The following KIAA1210 variants were observed in gnomAD, a reference collection of about 807,000 sequenced individuals.
KIAA1210 encodes the protein acrosomal protein KIAA1210.
Under a neutral mutation model 78.9 loss-of-function variants are expected in KIAA1210, and 48 were observed. The ratio of observed to expected loss-of-function variants is 0.61; its 90% confidence interval spans 0.48 to 0.77. The LOEUF is 0.77. KIAA1210 is among the 30% of genes least tolerant of loss of function. The pLI, the probability that KIAA1210 is intolerant of heterozygous loss-of-function variation, is 0.00. For synonymous variants in KIAA1210, 406 were observed against 404.5 expected (o/e 1.00, Z -0.04); for missense variants, 1,108 against 1,100.0 (o/e 1.01, Z -0.10).
chrX:119,108,848 A>AC (rs1238639912), intron 4 of KIAA1210, among the ~76,000 whole-genome samples: 1 of 110,565 alleles, frequency 9.0e-6, no homozygotes, highest in African/African-American at 3.3e-5. Flanking sequence ...GTCTCAAAAA[A>AC]AAAAAAAAAG....
chrX:119,098,001 TA>T (rs1927609934), intron 6 of KIAA1210, among the ~76,000 whole-genome samples: 1 of 112,307 alleles, frequency 8.9e-6, no homozygotes, highest in African/African-American at 3.2e-5. Context: ...GTGTATAGAC[TA>T]AAAGCTCTTC....
Position 119,088,573 on chromosome X carries a change from T to C in KIAA1210, c.2129A>G (p.Lys710Arg). Residue 710 changes from lysine (K) to arginine (R), a missense_variant, in exon 9 of 12, where the codon AAA (lysine) becomes AGA (arginine). Physicochemically the swap from Lys to Arg is conservative, Grantham distance 26. Around this residue, in one of 5 missense-constraint regions of KIAA1210, gnomAD observed 672 missense variants for 607.1 expected, o/e 1.11. Coordinates refer to ENST00000691062, the MANE Select transcript of KIAA1210 (RefSeq NM_001394962.1). ...AGCAGAGGAGACTTCTTGTTGGTTT[T>C]TGGGCTTTCCCAAGGCCTGAGCAGG... ...RHPAQALGKP[K>R]NQQEVSSASN... 1.7e-6 allele frequency: 2 copies of C among 1,211,405 alleles called. No homozygotes were observed. The highest frequency in any genetic ancestry group is 2.2e-6 in the Non-Finnish European group (2 of 895,283).
chrX:119,101,356 G>T (rs1422223028), intron 6 of KIAA1210, among the ~76,000 whole-genome samples: 2 of 111,497 alleles, frequency 1.8e-5, no homozygotes, highest in African/African-American at 6.6e-5. Flanking sequence ...TCTAGGCCCA[G>T]ATTTCATCAA....
chrX:119,142,667 C>T (rs1929074765), intron 2 of KIAA1210, among the ~76,000 whole-genome samples: 1 of 103,822 alleles, frequency 9.6e-6, no homozygotes, highest in African/African-American at 3.6e-5. Flanking sequence ...ATCCCAGCTA[C>T]AGGAGGCTGA....
rs938266618 is a variant in KIAA1210 at position 119,087,845 on chromosome X, C to T, written c.2857G>A (p.Gly953Arg). Reference protein sequence around the residue: ...LPRHLSQLTVGNKVQQLSSNF... With the variant: ...LPRHLSQLTVRNKVQQLSSNF... ...GAGGACAGTTGCTGGACTTTATTTC[C>T]CACAGTCAACTGGGAAAGATGTCTG... Residue 953 changes from glycine to arginine, a missense_variant, in exon 9 of 12, where the codon GGA becomes AGA. Physicochemically the swap from Gly to Arg is moderately radical, Grantham distance 125. Transcript: ENST00000691062. The T allele has an allele frequency of 1.7e-6, 2 of 1,211,435 alleles. No individual in the cohort carries two copies. The highest frequency in any genetic ancestry group is 1.7e-5 in the African/African-American group (1 of 57,776).
chrX:119,120,921 C>T (rs1928435431), intron 2 of KIAA1210, among the ~76,000 whole-genome samples: 1 of 110,996 alleles, frequency 9.0e-6, no homozygotes, highest in South Asian at 3.9e-4. Flanking sequence ...CTGGATACGG[C>T]CTTTGTGACA....
intron 3 of KIAA1210, among the ~76,000 whole-genome samples, chrX:119,109,552 A>T (rs1677725325): frequency 8.9e-6 from 1 of 112,046 alleles, no homozygotes; most frequent in South Asian, 3.7e-4. Flanking sequence ...CATTATGAGC[A>T]TATATCCTTT....
Position 119,087,685 on chromosome X carries a change from G to A in KIAA1210, c.3017C>T (p.Thr1006Ile), listed in dbSNP as rs61738495. 683 of 1,209,985 alleles carry A rather than the reference G, an allele frequency of 5.6e-4. 4 individuals are homozygous for A. In the African/African-American group the frequency reaches 0.01, roughly 18 times the overall value. Residue 1006 changes from threonine (T) to isoleucine (I), a missense_variant, in exon 9 of 12, where the codon ACT (threonine) becomes ATT (isoleucine). This residue lies in a region of KIAA1210 where 179 missense variants were observed against 174.1 expected (regional missense o/e 1.03). Transcript: ENST00000691062. ...CCTGGGAATCGGTGATTTGTTAGAA[G>A]TGCCTTCAACAGCCATTTTCTCTAG... The part of the protein sequence containing the change: ...SRLEKMAVEG[T>I]SNKSPIPRRP...
At chrX:119,083,219 T>C (rs1927022887) in intron 10 of KIAA1210, 99 bp from the exon 11 acceptor site, 6 of 522,349 alleles carry the variant, frequency 1.1e-5, no homozygotes, top group Non-Finnish European at 1.8e-5. Context: ...CTGTCCTGGG[T>C]ACTATGAGTT....
chrX:119,149,362 G>C (rs1223199991), intron 1 of KIAA1210, among the ~76,000 whole-genome samples: 10 of 111,145 alleles, frequency 9.0e-5, no homozygotes, highest in Non-Finnish European at 5.7e-5. Flanking sequence ...ACTTGTGCCA[G>C]ACACTGTGCT....
intron 2 of KIAA1210, among the ~76,000 whole-genome samples, chrX:119,118,577 G>C (rs1385121057): frequency 8.9e-6 from 1 of 112,298 alleles, no homozygotes; most frequent in Non-Finnish European, 1.9e-5. Flanking sequence ...CTGAACTAGA[G>C]TTCCTTTAGC....
intron 2 of KIAA1210, among the ~76,000 whole-genome samples, chrX:119,133,655 T>C (rs1045273696): frequency 2.8e-5 from 3 of 107,884 alleles, no homozygotes; most frequent in Non-Finnish European, 3.8e-5. Context: ...AATCTTTTTT[T>C]CTTTTTCTTT....
intron 7 of KIAA1210, among the ~76,000 whole-genome samples, chrX:119,094,819 C>T (rs911336314): frequency 3.6e-5 from 4 of 111,249 alleles, no homozygotes; most frequent in African/African-American, 1.3e-4. Flanking sequence ...GGGTAATGCC[C>T]GGGCTTTTTC....
At chrX:119,106,161 G>C (rs1218975354) in intron 5 of KIAA1210, among the ~76,000 whole-genome samples, 1 of 111,375 alleles carries the variant, frequency 9.0e-6, no homozygotes, top group Non-Finnish European at 1.9e-5. Context: ...CCCATTGGGA[G>C]CTCTTGGGGA....
chrX:119,105,159 G>T lies in KIAA1210; in HGVS notation c.493-12C>A, dbSNP rs1389299270. On this transcript the variant is annotated splice_polypyrimidine_tract_variant and intron_variant, in intron 5 of 11. Coordinates refer to ENST00000691062, the MANE Select transcript of KIAA1210 (RefSeq NM_001394962.1). ...CGCGATGGTGGGTTCTGTCAAGAGG[G>T]AGAATAGAAGGAACAATTTAAAACC... is the stretch of plus-strand genomic sequence containing the variant. 8.5e-7 allele frequency: 1 copy of T among 1,178,501 alleles called. No homozygotes were observed. The highest frequency in any genetic ancestry group is 1.1e-6 in the Non-Finnish European group (1 of 880,441).
upstream of KIAA1210, chrX:119,150,614 C>G (rs781606295): frequency 1.7e-6 from 2 of 1,164,989 alleles, no homozygotes; most frequent in Admixed American, 2.4e-5. Flanking sequence ...TCTGTGTCCC[C>G]CGACCTGCCG....
upstream of KIAA1210, among the ~76,000 whole-genome samples, chrX:119,130,200 T>C (rs1200123662): frequency 8.9e-6 from 1 of 112,190 alleles, no homozygotes; most frequent in East Asian, 2.8e-4. Context: ...CTCTGCAATC[T>C]GGTGTTCTCT....
At chrX:119,142,819 T>C (rs1409905180) in intron 2 of KIAA1210, among the ~76,000 whole-genome samples, 1 of 82,392 alleles carries the variant, frequency 1.2e-5, no homozygotes. Flanking sequence ...GGGGAGGAGG[T>C]GCCAGGCTCT....
chrX:119,087,468 C>T lies in KIAA1210; in HGVS notation c.3234G>A (p.Lys1078=). Residue 1078 remains lysine, a synonymous_variant, in exon 9 of 12, where the codon AAG becomes AAA. Transcript: ENST00000691062. The part of the protein sequence containing the change: ...SANPKGGISS[K]MLPMKHPLQS... ...GTAAAGGGTGCTTCATAGGTAGCAT[C>T]TTTGAAGAAATGCCTCCCTTAGGAT... 1 of 1,210,025 alleles carries T rather than the reference C, an allele frequency of 8.3e-7. No homozygotes were observed.
Sources: allele counts gnomAD v4.1 joint callset (sites outside exome capture counted in the v4.1 genomes callset), GRCh38; gene constraint gnomAD v4.1.1; regional missense constraint gnomAD v4.1.1; transcripts MANE v1.5; gene names NCBI Gene and HGNC (gene_info 2026-07-23, HGNC 2026-07-21).